Variants in RELN observed in about 807,000 individuals in gnomAD.
RELN encodes reelin.
Under a neutral mutation model 427.6 loss-of-function variants are expected in RELN, and 108 were observed. The ratio of observed to expected loss-of-function variants is 0.25; its 90% CI spans 0.22 to 0.30. RELN has a LOEUF of 0.30. RELN is among the 10% of genes least tolerant of loss of function. The pLI, the probability that RELN is intolerant of heterozygous loss-of-function variation, is 1.00. For synonymous variants in RELN, 1,524 were observed against 1,513.4 expected, an observed-to-expected ratio of 1.01 and a Z score of -0.16; for missense variants, 3,715 against 4,302.8, an observed-to-expected ratio of 0.86 and a Z score of 3.82.
At chr7:103,769,471 C>T (rs1791510946) in intron 4 of RELN, among the ~76,000 whole-genome samples, 2 of 152,212 alleles carry the variant, frequency 1.3e-5, no homozygotes. Flanking sequence ...TGATTTTGAA[C>T]TTCCCAGCCT....
intron 49 of RELN, among the ~76,000 whole-genome samples, chr7:103,517,843 G>A (rs186766999): frequency 1.6e-4 from 25 of 152,288 alleles, no homozygotes; most frequent in Admixed American, 7.8e-4. Context: ...GTGACTGGTC[G>A]CCCAGAATAA....
chr7:103,723,893 T>C (rs1790138442), intron 7 of RELN, among the ~76,000 whole-genome samples: 1 of 152,182 alleles, frequency 6.6e-6, no homozygotes. Context: ...CTGCTACTTT[T>C]CCTTAGTTTC....
At chr7:103,901,695 G>A (rs1398864772) in intron 2 of RELN, among the ~76,000 whole-genome samples, 1 of 151,992 alleles carries the variant, frequency 6.6e-6, no homozygotes, top group African/African-American at 2.4e-5. Flanking sequence ...TCCAGAATAG[G>A]CAAATCCAGA....
intron 4 of RELN, among the ~76,000 whole-genome samples, chr7:103,766,981 T>A (rs932919974): frequency 6.6e-6 from 1 of 152,256 alleles, no homozygotes; most frequent in Non-Finnish European, 1.5e-5. Context: ...GGGGGCACTA[T>A]AGGGCATGAC....
chr7:103,842,954 G>C (rs1474310774), intron 2 of RELN, among the ~76,000 whole-genome samples: 1 of 152,118 alleles, frequency 6.6e-6, no homozygotes, highest in African/African-American at 2.4e-5. Context: ...CGTTTAGAGA[G>C]GCAGGAGAGG....
At chr7:103,882,158 T>C (rs1014838630) in intron 2 of RELN, among the ~76,000 whole-genome samples, 1 of 152,226 alleles carries the variant, frequency 6.6e-6, no homozygotes. Flanking sequence ...TGAAAATAAC[T>C]AATGCTATGT....
At chr7:103,838,485 A>G (rs1383615606) in intron 2 of RELN, among the ~76,000 whole-genome samples, 1 of 152,140 alleles carries the variant, frequency 6.6e-6, no homozygotes, top group East Asian at 1.9e-4. Context: ...ATACTGAGAC[A>G]AAAATCATCA....
intron 6 of RELN, 127 bp from the exon 7 acceptor site, chr7:103,728,334 G>T: frequency 2.3e-6 from 2 of 870,966 alleles, no homozygotes; most frequent in Non-Finnish European, 3.7e-6. Flanking sequence ...GAAAGTAGGA[G>T]TATTTTGCAT....
chr7:103,508,035 G>A (rs375754307), intron 51 of RELN, among the ~76,000 whole-genome samples: 16 of 152,108 alleles, frequency 1.1e-4, no homozygotes, highest in African/African-American at 3.9e-4. Context: ...AATTGAGGCA[G>A]TAATTAATAG....
intron 13 of RELN, 65 bp from the exon 14 acceptor site, chr7:103,652,824 T>G: frequency 2.7e-6 from 4 of 1,465,904 alleles, no homozygotes; most frequent in Non-Finnish European, 3.8e-6. Flanking sequence ...TAAATTCTCC[T>G]AGATTTGACC....
intron 3 of RELN, among the ~76,000 whole-genome samples, chr7:103,781,940 T>G (rs895619884): frequency 3.3e-5 from 5 of 152,200 alleles, no homozygotes; most frequent in Admixed American, 6.5e-5. Flanking sequence ...TTAGAAATAA[T>G]TTTTCTTAAG....
At chr7:103,768,641 T>A (rs1346494689) in intron 4 of RELN, among the ~76,000 whole-genome samples, 3 of 152,204 alleles carry the variant, frequency 2.0e-5, no homozygotes, top group African/African-American at 7.2e-5. Context: ...TTACTGAGTC[T>A]ATGTTGCATG....
intron 58 of RELN, 107 bp downstream of exon 58, chr7:103,491,843 CTCT>C (rs1828667716): frequency 1.6e-6 from 1 of 633,234 alleles, no homozygotes; most frequent in African/African-American, 2.4e-5. Flanking sequence ...CTCTCTCTCT[CTCT>C]CTCTCTCTCT....
intron 24 of RELN, among the ~76,000 whole-genome samples, chr7:103,600,295 G>A (rs1407649670): frequency 6.6e-6 from 1 of 152,162 alleles, no homozygotes; most frequent in Admixed American, 6.5e-5. Context: ...ATGCTTGCTG[G>A]TGGGGGCTGC....
Position 103,498,099 on chromosome 7 carries a change from C to A in RELN, c.8821G>T (p.Asp2941Tyr). ...GSTVRQAVTQDLDLRGAKFLQ... is the reference protein window; with the variant it reads ...GSTVRQAVTQYLDLRGAKFLQ... ...TACTTTGCACCTCGAAGATCCAAAT[C>A]TTGTGTAACCGCTTGTCTCACAGTG... Residue 2941 changes from aspartate to tyrosine, a missense_variant, in exon 54 of 65, where the codon GAT (aspartate) becomes TAT (tyrosine). This residue lies in a region of RELN where 1,310 missense variants were observed against 1,643.0 expected (regional missense o/e 0.80). Coordinates refer to ENST00000428762, the MANE Select transcript of RELN (RefSeq NM_005045.4). The A allele has an allele frequency of 6.2e-7, 1 of 1,614,166 alleles. No individual in the cohort carries two copies. Among genetic ancestry groups the A allele is most frequent in the Non-Finnish European group, 8.5e-7 (1 of 1,180,024 alleles).
intron 2 of RELN, among the ~76,000 whole-genome samples, chr7:103,854,900 C>A (rs1322921709): frequency 1.3e-5 from 2 of 152,052 alleles, no homozygotes; most frequent in Non-Finnish European, 1.5e-5. Flanking sequence ...GCACAAACAT[C>A]AATAATGCAA....
intron 46 of RELN, among the ~76,000 whole-genome samples, chr7:103,525,562 A>T (rs1829804986): frequency 6.6e-6 from 1 of 152,188 alleles, no homozygotes; most frequent in South Asian, 2.1e-4. Flanking sequence ...AATTATTTTT[A>T]ATGACTAAAT....
At chr7:103,932,737 G>A (rs531506927) in intron 1 of RELN, among the ~76,000 whole-genome samples, 5 of 152,284 alleles carry the variant, frequency 3.3e-5, no homozygotes, top group Admixed American at 2.6e-4. Flanking sequence ...GTGGGCAACT[G>A]AAACTTAATC....
At chr7:103,794,985 T>TAA (rs1243250672) in intron 3 of RELN, among the ~76,000 whole-genome samples, 1 of 152,236 alleles carries the variant, frequency 6.6e-6, no homozygotes, top group Admixed American at 6.5e-5. Context: ...TTTTGACACT[T>TAA]ACACTATGAT....
Sources: gnomAD v4.1 joint callset for allele counts (sites outside exome capture counted in the v4.1 genomes callset) on GRCh38, gnomAD v4.1.1 for gene constraint, gnomAD v4.1.1 regional missense constraint, MANE v1.5 for transcripts, NCBI Gene and HGNC (gene_info 2026-07-23, HGNC 2026-07-21) for gene names.